The following TBC1D2B variants were observed in gnomAD, a reference collection of about 807,000 sequenced individuals.
TBC1D2B encodes the protein TBC1 domain family member 2B.
Under a neutral mutation model 100.8 loss-of-function variants are expected in TBC1D2B, and 64 were observed. The observed-to-expected ratio is 0.64, with a 90% CI of 0.52 to 0.78. The LOEUF (loss-of-function observed/expected upper bound fraction) is 0.78. Ranked by LOEUF, TBC1D2B falls within the 30% of genes least tolerant of loss-of-function variation. TBC1D2B has a pLI of 0.00. For missense variants in TBC1D2B, 1,052 were observed against 1,218.4 expected, an observed-to-expected ratio of 0.86 and a Z score of 2.03; for synonymous variants, 480 against 479.7, an observed-to-expected ratio of 1.00 and a Z score of -0.01.
chr15:78,037,386 C>T (rs2072969231), intron 3 of TBC1D2B, among the ~76,000 whole-genome samples: 1 of 152,196 alleles, frequency 6.6e-6, no homozygotes. Context: ...ACAGCAAAAC[C>T]ATCACCGGCC....
Position 77,995,624 on chromosome 15 carries a change from G to A in TBC1D2B, c.*2536C>T, listed in dbSNP as rs1287373113. ...AGCCTATAAAAATATAAACTGTAGT[G>A]AGAGTGTACAAAAGTATTAACAGAG... On this transcript the variant is annotated 3_prime_UTR_variant, in exon 13 of 13. Coordinates refer to ENST00000300584, the MANE Select transcript of TBC1D2B (RefSeq NM_144572.2). 1 of 152,478 alleles carries A rather than the reference G, an allele frequency of 6.6e-6. No homozygotes were observed. Among genetic ancestry groups the A allele is most frequent in the Non-Finnish European group, 1.5e-5 (1 of 68,042 alleles). The allele number at this position is 152,478 out of a possible 1,614,324, so 9.4% of individuals were successfully genotyped here.
rs977222415 is a variant in TBC1D2B at position 78,053,240 on chromosome 15, T to C, written c.514+794A>G. Among the ~76,000 whole-genome samples, 5 of 152,214 alleles carry C rather than the reference T, an allele frequency of 3.3e-5. No homozygotes were observed. The East Asian group carries it at 7.7e-4, about 23-fold the overall frequency. ...GTTTTAGGAAGTGAAGAAATCTCTT[T>C]ATGAAACTGTTAGAACTAGTCCTTA... On this transcript the variant is annotated intron_variant, in intron 2 of 12. Coordinates refer to ENST00000300584, the MANE Select transcript of TBC1D2B (RefSeq NM_144572.2).
At chr15:78,008,263 G>A (rs2072122368) in intron 10 of TBC1D2B, among the ~76,000 whole-genome samples, 2 of 152,238 alleles carry the variant, frequency 1.3e-5, no homozygotes, top group African/African-American at 4.8e-5. Flanking sequence ...CCTGGCCCCT[G>A]GCGTCAGACT....
intron 2 of TBC1D2B, among the ~76,000 whole-genome samples, chr15:78,051,604 T>C (rs2073315338): frequency 6.6e-6 from 1 of 152,226 alleles, no homozygotes; most frequent in African/African-American, 2.4e-5. Flanking sequence ...TGATGCCCAC[T>C]AGACTACAAA....
chr15:78,040,809 G>GA (rs1226729216), intron 3 of TBC1D2B, among the ~76,000 whole-genome samples: 1 of 77,342 alleles, frequency 1.3e-5, no homozygotes, highest in South Asian at 4.0e-4. Flanking sequence ...AAGAAAGAAA[G>GA]AAAAAGCAAG....
chr15:78,039,146 T>C (rs979032734), intron 3 of TBC1D2B, among the ~76,000 whole-genome samples: 1 of 152,240 alleles, frequency 6.6e-6, no homozygotes, highest in East Asian at 1.9e-4. Flanking sequence ...GGTGACTACA[T>C]GCCTTGTCTT....
chr15:78,028,358 C>T (rs2072724705), intron 4 of TBC1D2B, among the ~76,000 whole-genome samples: 1 of 152,134 alleles, frequency 6.6e-6, no homozygotes, highest in Non-Finnish European at 1.5e-5. Flanking sequence ...ACCTGTAATA[C>T]CAGTTACTCA....
chr15:77,998,875 C>T (rs756096215), intron 12 of TBC1D2B: 16 of 169,746 alleles, frequency 9.4e-5, no homozygotes, highest in Non-Finnish European at 1.9e-4. Flanking sequence ...ACCCAGTTGG[C>T]AATGTGACAA....
Position 78,077,302 on chromosome 15 carries a change from C to A in TBC1D2B, c.351G>T (p.Thr117=). The A allele has an allele frequency of 6.6e-7, 1 of 1,517,412 alleles. No homozygotes were observed. The highest frequency in any genetic ancestry group is 1.4e-5 in the African/African-American group (1 of 69,806). 94.0% of individuals were successfully genotyped at this position (1,517,412 alleles called of 1,614,324 possible). Residue 117 remains threonine (T), a synonymous_variant, in exon 1 of 13, where the codon ACG becomes ACT. Transcript: ENST00000300584. ...GGGCGAGCGGTCCCACCTTGAGCAC[C>A]GTGACGGCTCCCGCGCTGTGCACCT... ...HFQVHSAGAV[T]VLKAPNRQLM... is the part of the protein sequence containing the mutation.
At chr15:78,039,219 G>C (rs897043550) in intron 3 of TBC1D2B, among the ~76,000 whole-genome samples, 2 of 152,200 alleles carry the variant, frequency 1.3e-5, no homozygotes, top group Non-Finnish European at 2.9e-5. Context: ...TACGGCTCCG[G>C]GACAGGAAAA....
At chr15:78,012,747 G>C in intron 9 of TBC1D2B, 76 bp downstream of exon 9, 1 of 1,365,494 alleles carries the variant, frequency 7.3e-7, no homozygotes, top group East Asian at 2.6e-5. Context: ...ACCAGGAAGG[G>C]AGGGAGCTGC....
chr15:78,065,896 T>C (rs1037861680), intron 1 of TBC1D2B: 2 of 396,036 alleles, frequency 5.1e-6, no homozygotes, highest in African/African-American at 2.0e-5. Flanking sequence ...ACAGGAATGT[T>C]TGGGAACCAC....
chr15:78,072,654 A>G (rs1253594064), intron 1 of TBC1D2B, among the ~76,000 whole-genome samples: 1 of 152,224 alleles, frequency 6.6e-6, no homozygotes, highest in Admixed American at 6.5e-5. Flanking sequence ...TTTAGCACCA[A>G]GCACCTACGG....
At chr15:78,021,149 A>T (rs1457471694) in intron 6 of TBC1D2B, among the ~76,000 whole-genome samples, 2 of 152,222 alleles carry the variant, frequency 1.3e-5, no homozygotes, top group Admixed American at 6.5e-5. Flanking sequence ...TATAGAAACA[A>T]AAAGCATTAG....
rs149608225 is a variant in TBC1D2B, at chr15:78,074,692, G to A, written c.360+2601C>T. Among the ~76,000 whole-genome samples the A allele has an allele frequency of 4.8e-3, 734 of 152,222 alleles. 14 individuals carry two copies. Among genetic ancestry groups the A allele is most frequent in the African/African-American group, 0.017 (717 of 41,532 alleles). On this transcript the variant is annotated intron_variant, in intron 1 of 12. Transcript: ENST00000300584. ...AGCCCCATAAAGCTCTTCCCCTCGC[G>A]AAAGAGCATACATCCTTATGATCTG...
chr15:78,023,979 GA>G (rs2072584017), intron 6 of TBC1D2B, among the ~76,000 whole-genome samples, 176 bp downstream of exon 6: 1 of 152,190 alleles, frequency 6.6e-6, no homozygotes, highest in Non-Finnish European at 1.5e-5. Flanking sequence ...CTTTTCCAAG[GA>G]AGCTCCACAG....
At chr15:78,023,914 T>C (rs1304081807) in intron 6 of TBC1D2B, among the ~76,000 whole-genome samples, 1 of 152,132 alleles carries the variant, frequency 6.6e-6, no homozygotes, top group African/African-American at 2.4e-5. Flanking sequence ...CTTAGTTGCC[T>C]GAAAACAAGG....
intron 10 of TBC1D2B, among the ~76,000 whole-genome samples, chr15:78,008,285 T>G (rs1049271701): frequency 6.6e-6 from 1 of 152,196 alleles, no homozygotes; most frequent in Non-Finnish European, 1.5e-5. Flanking sequence ...CAGGTGTGGA[T>G]GGCATGAAAT....
intron 10 of TBC1D2B, among the ~76,000 whole-genome samples, chr15:78,005,751 A>G (rs2072049035): frequency 6.6e-6 from 1 of 152,092 alleles, no homozygotes; most frequent in African/African-American, 2.4e-5. Context: ...ATAACAGGCA[A>G]TTTTCATTTT....
Sources: gnomAD v4.1 joint callset for allele counts (sites outside exome capture counted in the v4.1 genomes callset) on GRCh38, gnomAD v4.1.1 for gene constraint, MANE v1.5 for transcripts, NCBI Gene and HGNC (gene_info 2026-07-23, HGNC 2026-07-21) for gene names.